Variants in NEURL3 observed in about 807,000 individuals in gnomAD.
NEURL3 encodes the protein E3 ubiquitin-protein ligase NEURL3.
NEURL3 carries 19 observed loss-of-function variants against 17.6 expected under a neutral mutation model. The observed-to-expected ratio is 1.08, with a 90% confidence interval of 0.75 to 1.58. NEURL3 has a LOEUF of 1.58. Among genes scored for constraint, NEURL3 ranks in the 40% most tolerant of loss-of-function variants. NEURL3 has a pLI of 0.00. For missense variants in NEURL3, 342 were observed against 379.6 expected (o/e 0.90, Z 0.82); for synonymous variants, 180 against 161.4 (o/e 1.11, Z -0.87).
intron 3 of NEURL3, chr2:96,499,155 C>T (rs994305969): frequency 3.0e-6 from 4 of 1,325,200 alleles, no homozygotes; most frequent in Admixed American, 6.5e-5. Flanking sequence ...AACAAAATAA[C>T]ACTGTCTGTT....
chr2:96,504,823 A>G (rs1194328851), intron 1 of NEURL3: 3 of 144,392 alleles, frequency 2.1e-5, no homozygotes, highest in Non-Finnish European at 4.4e-5. Context: ...GCTTGCAGTG[A>G]GCTGAGATCA....
At chr2:96,502,509 T>C (rs977301514) in intron 1 of NEURL3, among the ~76,000 whole-genome samples, 8 of 152,216 alleles carry the variant, frequency 5.3e-5, no homozygotes, top group African/African-American at 1.9e-4. Context: ...GTGAAGTGCA[T>C]GTCCAGCAAG....
At chr2:96,507,241 A>C (rs2065568442), upstream of NEURL3, among the ~76,000 whole-genome samples, 1 of 151,794 alleles carries the variant, frequency 6.6e-6, no homozygotes, top group East Asian at 1.9e-4. Flanking sequence ...CACGATGCCC[A>C]CTCTTCATGA....
In NEURL3 at chr2:96,500,497, G is replaced by A. The variant is rs763483276; in HGVS notation, c.456C>T (p.Gly152=). The A allele has an allele frequency of 3.5e-5, 55 of 1,594,178 alleles. 3 individuals are homozygous for A. The South Asian group carries it at 5.7e-4, about 16-fold the overall frequency. ...RLLLREGVPV[G]APLWAVMDVY... ...CGTCCATCACGGCCCAGAGCGGGGC[G>A]CCGACGGGCACGCCCTCACGCAGCA... Residue 152 remains glycine, a synonymous_variant, in exon 2 of 4, where the codon GGC becomes GGT. Coordinates refer to ENST00000451794, the MANE Select transcript of NEURL3 (RefSeq NM_001285485.2).
At chr2:96,503,678 C>G (rs1441437356) in intron 1 of NEURL3, among the ~76,000 whole-genome samples, 1 of 152,126 alleles carries the variant, frequency 6.6e-6, no homozygotes, top group African/African-American at 2.4e-5. Flanking sequence ...GTGCCTGGGT[C>G]TGGAGCAGGG....
chr2:96,498,593 G>C lies in NEURL3; in HGVS notation c.587-147C>G. The C allele has an allele frequency of 2.6e-6, 2 of 773,888 alleles. No homozygotes were observed. The highest frequency in any genetic ancestry group is 2.0e-6 in the Non-Finnish European group (1 of 502,510). 47.9% of individuals were successfully genotyped at this position (773,888 alleles called of 1,614,324 possible). On this transcript the variant is annotated intron_variant, in intron 3 of 3. Transcript: ENST00000451794. This position sits in a 1 kb window ranked among gnomAD's most constrained non-coding sequence, Gnocchi z 4.4. ...GAGGAAATGCTTACAGTGTAATCAA[G>C]TGAAAAAAAGGGGGAAGAAAACCAT...
chr2:96,500,200 A>G, intron 2 of NEURL3: 1 of 570,874 alleles, frequency 1.8e-6, no homozygotes, highest in Non-Finnish European at 3.1e-6. Context: ...TGTTTGAGTA[A>G]CAGATGGTGT....
At chr2:96,499,890 C>A (rs192986785) in intron 2 of NEURL3, 72 of 181,580 alleles carry the variant, frequency 4.0e-4, no homozygotes, top group Middle Eastern at 2.5e-3. Flanking sequence ...TGGCAGGAGG[C>A]GGGGAGTGGA....
intron 2 of NEURL3, 165 bp from the exon 3 acceptor site, chr2:96,499,614 A>G (rs1426476064): frequency 6.0e-6 from 1 of 165,302 alleles, no homozygotes; most frequent in African/African-American, 2.4e-5. Flanking sequence ...TCCCTTCCCC[A>G]GCTTGACCCA....
In NEURL3 at chr2:96,505,334, C is replaced by G. The variant is rs377476949; in HGVS notation, c.-48G>C. On this transcript the variant is annotated 5_prime_UTR_variant, in exon 1 of 4. Transcript: ENST00000451794. ...GGTCCCCAGGTCTAGAAGGAACTGCCTGGAGAAGGCCAGTGGACAGGTTAC... is the reference window on the plus strand; with the variant it reads ...GGTCCCCAGGTCTAGAAGGAACTGCGTGGAGAAGGCCAGTGGACAGGTTAC... The G allele has an allele frequency of 1.3e-5, 21 of 1,593,040 alleles. No homozygotes were observed. The African/African-American group carries it at 2.4e-4, about 18-fold the overall frequency.
chr2:96,507,462 G>T (rs2065570043), upstream of NEURL3, among the ~76,000 whole-genome samples: 1 of 151,976 alleles, frequency 6.6e-6, no homozygotes, highest in Admixed American at 6.6e-5. Flanking sequence ...TACCGTTTTT[G>T]TTGTTGTTGT....
chr2:96,498,305 T>C lies in NEURL3; in HGVS notation c.728A>G (p.Gln243Arg), dbSNP rs140945375. The change falls in exon 4 of 4, where the codon CAG (glutamine) becomes CGG (arginine). Residue 243 changes from glutamine (Q) to arginine (R), a missense_variant. Coordinates refer to ENST00000451794, the MANE Select transcript of NEURL3 (RefSeq NM_001285485.2). This position sits in a 1 kb window ranked among gnomAD's most constrained non-coding sequence, Gnocchi z 4.4. Reference protein sequence around the residue: ...DTAKCPVCRWQIEAVAPAQGP... With the variant: ...DTAKCPVCRWRIEAVAPAQGP... ...CTGCGCAGGGGCTACCGCCTCTATC[T>C]GCCAGCGGCACACAGGGCACTTGGC... 172 of 1,595,694 alleles carry C rather than the reference T, an allele frequency of 1.1e-4. 1 individual carries two copies. The East Asian group carries it at 2.6e-3, about 24-fold the overall frequency.
At chr2:96,500,372 C>T in intron 2 of NEURL3, 67 bp downstream of exon 2, 5 of 1,576,878 alleles carry the variant, frequency 3.2e-6, no homozygotes, top group Non-Finnish European at 3.4e-6. Flanking sequence ...GGCTCTGGAT[C>T]GGTGTGGGGT....
In NEURL3 at chr2:96,497,768, A is replaced by G. The variant is rs1461558624; in HGVS notation, c.*476T>C. 1.3e-5 allele frequency: 2 copies of G among 156,084 alleles called. No individual in the cohort carries two copies. 9.7% of individuals were successfully genotyped at this position (156,084 alleles called of 1,614,324 possible). A position where few individuals can be genotyped will look rare whatever the true frequency, so the allele number is the denominator to read the frequency against. On this transcript the variant is annotated 3_prime_UTR_variant, in exon 4 of 4. Coordinates refer to ENST00000451794, the MANE Select transcript of NEURL3 (RefSeq NM_001285485.2). ...TGCATGGTCTCTCTGGGACCTCATG[A>G]CCACCCTGAAAGGGAGGCAGGGCGG...
rs373508867 is a variant in NEURL3 at position 96,499,377 on chromosome 2, C to T, written c.586+1G>A. 244 of 1,599,340 alleles carry T rather than the reference C, an allele frequency of 1.5e-4. No homozygotes were observed. Among genetic ancestry groups the T allele is most frequent in the Non-Finnish European group, 2.0e-4 (235 of 1,179,760 alleles). ...TCCCTGATTCTTGGGAAGGCACTCA[C>T]CTTTGGGCTCAGGCACAGCCTTGTT... On this transcript the variant is annotated splice_donor_variant, in intron 3 of 3. Transcript: ENST00000451794. LOFTEE classifies it high-confidence loss of function.
chr2:96,501,824 G>T (rs2065510770), intron 1 of NEURL3, among the ~76,000 whole-genome samples: 1 of 152,170 alleles, frequency 6.6e-6, no homozygotes, highest in African/African-American at 2.4e-5. Context: ...TTCTGGGCTG[G>T]GGGAGGGAGG....
chr2:96,505,753 C>T (rs949839020), upstream of NEURL3, among the ~76,000 whole-genome samples: 2 of 152,230 alleles, frequency 1.3e-5, no homozygotes, highest in Non-Finnish European at 2.9e-5. Context: ...AGATTCACTG[C>T]AGCAGACCCT....
chr2:96,499,531 G>A (rs1302315228), intron 2 of NEURL3, 82 bp from the exon 3 acceptor site: 1 of 1,275,148 alleles, frequency 7.8e-7, no homozygotes, highest in Non-Finnish European at 1.1e-6. Context: ...GCAGCAAAGT[G>A]TCCGGTCTCC....
chr2:96,499,220 T>C (rs1470811418), intron 3 of NEURL3, 158 bp downstream of exon 3: 12 of 1,406,872 alleles, frequency 8.5e-6, no homozygotes, highest in South Asian at 8.1e-5. Flanking sequence ...AAGGCAGAGA[T>C]GCCAGGTTGC....
Sources: gnomAD v4.1 joint callset for allele counts (sites outside exome capture counted in the v4.1 genomes callset) on GRCh38, gnomAD v4.1.1 for gene constraint, Gnocchi (gnomAD v3.1) non-coding constraint, MANE v1.5 for transcripts, NCBI Gene and HGNC (gene_info 2026-07-23, HGNC 2026-07-21) for gene names.